Variants in PDE11A observed in about 807,000 individuals in gnomAD.
The protein encoded by PDE11A is phosphodiesterase 11A.
In PDE11A, 100 loss-of-function variants were observed where a neutral mutation model predicts 100.5. The ratio of observed to expected loss-of-function variants is 1.00; its 90% CI spans 0.85 to 1.18. The LOEUF (loss-of-function observed/expected upper bound fraction) is 1.18, where lower values mean the gene tolerates loss of function less well. PDE11A is among the 50% of genes most tolerant of loss of function. The probability of loss-of-function intolerance (pLI) is 0.00; values close to 1 mark genes in which losing one functional copy is unlikely to be tolerated. For synonymous variants in PDE11A, 381 were observed against 420.8 expected, an observed-to-expected ratio of 0.91 and a Z score of 1.16; for missense variants, 1,141 against 1,152.6, an observed-to-expected ratio of 0.99 and a Z score of 0.15.
At chr2:178,058,183 C>T (rs2086923052) in intron 1 of PDE11A, among the ~76,000 whole-genome samples, 1 of 152,180 alleles carries the variant, frequency 6.6e-6, no homozygotes, top group Non-Finnish European at 1.5e-5. Context: ...AGCTAAACCC[C>T]CTGGTCCTAA....
chr2:177,983,500 G>C (rs991647137), intron 2 of PDE11A, among the ~76,000 whole-genome samples: 1 of 152,082 alleles, frequency 6.6e-6, no homozygotes, highest in Non-Finnish European at 1.5e-5. Flanking sequence ...CTGCAATGCA[G>C]AATAAAGATG....
chr2:177,846,462 T>C (rs531549331), intron 5 of PDE11A, among the ~76,000 whole-genome samples: 1 of 152,330 alleles, frequency 6.6e-6, no homozygotes, highest in Admixed American at 6.5e-5. Flanking sequence ...GCCCAAATTA[T>C]TTCTGCTTTT....
At chr2:178,010,395 A>G (rs2086261712) in intron 2 of PDE11A, among the ~76,000 whole-genome samples, 1 of 152,220 alleles carries the variant, frequency 6.6e-6, no homozygotes, top group Non-Finnish European at 1.5e-5. Flanking sequence ...AACTAATTTG[A>G]GTTTTAAAAT....
intron 10 of PDE11A, among the ~76,000 whole-genome samples, chr2:177,763,679 TTC>T (rs1257070781): frequency 2.6e-5 from 4 of 152,174 alleles, no homozygotes; most frequent in Admixed American, 2.0e-4. Context: ...CTCTTCGGCG[TTC>T]TCTGTGTCGC....
chr2:178,017,594 A>G (rs573686728), intron 1 of PDE11A, among the ~76,000 whole-genome samples: 23 of 152,312 alleles, frequency 1.5e-4, no homozygotes, highest in African/African-American at 4.8e-4. Context: ...GTGGAGAGGA[A>G]GGAAGGAAGT....
chr2:178,063,093 T>C (rs1311213595), intron 1 of PDE11A, among the ~76,000 whole-genome samples: 2 of 152,200 alleles, frequency 1.3e-5, no homozygotes, highest in Admixed American at 1.3e-4. Context: ...AACTTGGAGA[T>C]TTCATATGGG....
intron 9 of PDE11A, among the ~76,000 whole-genome samples, chr2:177,773,628 A>T (rs2082341874): frequency 6.6e-6 from 1 of 152,192 alleles, no homozygotes; most frequent in Non-Finnish European, 1.5e-5. Context: ...AGTTAATGAT[A>T]AGGAAGCTTC....
intron 2 of PDE11A, among the ~76,000 whole-genome samples, chr2:177,996,198 G>C (rs77128835): frequency 0.015 from 2,216 of 151,036 alleles, 42 homozygotes; most frequent in East Asian, 0.091. Flanking sequence ...CTGCACTCCA[G>C]TGTGGGCAAC....
At chr2:177,689,216 G>C (rs1383852785) in intron 15 of PDE11A, among the ~76,000 whole-genome samples, 2 of 152,140 alleles carry the variant, frequency 1.3e-5, no homozygotes, top group Non-Finnish European at 2.9e-5. Flanking sequence ...CTGAGTAGCT[G>C]GGATTACAGG....
At chr2:177,814,895 G>A (rs2083012080) in intron 9 of PDE11A, among the ~76,000 whole-genome samples, 1 of 152,158 alleles carries the variant, frequency 6.6e-6, no homozygotes, top group Non-Finnish European at 1.5e-5. Flanking sequence ...CCCATCTGGG[G>A]GTAAATGGCC....
intron 5 of PDE11A, among the ~76,000 whole-genome samples, chr2:177,865,706 A>G (rs767810599): frequency 1.3e-5 from 2 of 152,240 alleles, no homozygotes; most frequent in Non-Finnish European, 2.9e-5. Context: ...TGTACACATG[A>G]ATGAATAGTG....
intron 17 of PDE11A, among the ~76,000 whole-genome samples, chr2:177,671,574 G>T (rs79339123): frequency 6.7e-6 from 1 of 149,722 alleles, no homozygotes; most frequent in African/African-American, 2.4e-5. Flanking sequence ...ATTTTGAAGT[G>T]AGCATTAAAA....
chr2:177,792,263 A>T (rs1033221805), intron 9 of PDE11A, among the ~76,000 whole-genome samples: 1 of 152,212 alleles, frequency 6.6e-6, no homozygotes, highest in Non-Finnish European at 1.5e-5. Context: ...AGAAGAACAT[A>T]GCATTCTTCG....
chr2:177,768,410 A>G (rs757253550), intron 10 of PDE11A, among the ~76,000 whole-genome samples: 15 of 152,238 alleles, frequency 9.9e-5, no homozygotes, highest in Non-Finnish European at 2.2e-4. Context: ...TCCATCACCA[A>G]GTGATATTAC....
chr2:177,671,563 A>C (rs1340628784), intron 17 of PDE11A, among the ~76,000 whole-genome samples: 2 of 151,784 alleles, frequency 1.3e-5, no homozygotes, highest in South Asian at 2.1e-4. Context: ...TGTTTCCTAA[A>C]ATTTTGAAGT....
At chr2:177,946,045 G>T (rs1258730684) in intron 2 of PDE11A, among the ~76,000 whole-genome samples, 4 of 139,888 alleles carry the variant, frequency 2.9e-5, no homozygotes, top group Admixed American at 1.4e-4. Context: ...CCGTCCGGGA[G>T]GGAGGTGGGG....
At chr2:177,911,741 G>A (rs904178713) in intron 2 of PDE11A, among the ~76,000 whole-genome samples, 3 of 152,006 alleles carry the variant, frequency 2.0e-5, no homozygotes, top group African/African-American at 4.8e-5. Context: ...AAAATTAGCT[G>A]GCCGTGGTGG....
At chr2:177,631,649 G>A (rs559558882) in intron 19 of PDE11A, among the ~76,000 whole-genome samples, 43 of 135,674 alleles carry the variant, frequency 3.2e-4, no homozygotes, top group South Asian at 2.0e-3. Context: ...ACATATATAT[G>A]TGTGTGTATA....
At chr2:177,736,515 G>GA (rs1206087844) in intron 10 of PDE11A, among the ~76,000 whole-genome samples, 52 of 132,868 alleles carry the variant, frequency 3.9e-4, no homozygotes, top group South Asian at 4.9e-4. Context: ...CCATCTAAAA[G>GA]AAAAAAAAAA....
Sources: allele counts gnomAD v4.1 joint callset (sites outside exome capture counted in the v4.1 genomes callset), GRCh38; gene constraint gnomAD v4.1.1; transcripts MANE v1.5; gene names NCBI Gene and HGNC (gene_info 2026-07-23, HGNC 2026-07-21).